ATRNL1: variants seen among roughly 807,000 people sequenced by gnomAD.
The protein encoded by ATRNL1 is attractin-like protein 1.
A neutral mutation model predicts 182.7 loss-of-function variants in ATRNL1; 95 were observed. The observed-to-expected ratio is 0.52, with a 90% CI of 0.44 to 0.62. ATRNL1 has a LOEUF of 0.62. Among genes scored for constraint, ATRNL1 ranks in the 20% least tolerant of loss-of-function variants. The probability of loss-of-function intolerance (pLI) is 0.00; values close to 1 mark genes in which losing one functional copy is unlikely to be tolerated. For missense variants in ATRNL1, 1,471 were observed against 1,679.5 expected (o/e 0.88, Z 2.17); for synonymous variants, 576 against 568.3 (o/e 1.01, Z -0.19).
intron 21 of ATRNL1, among the ~76,000 whole-genome samples, chr10:115,454,510 C>T (rs962519524): frequency 1.5e-4 from 23 of 151,960 alleles, no homozygotes; most frequent in Non-Finnish European, 2.4e-4. Context: ...ACATTTTAAC[C>T]ATATTAATTT....
intron 21 of ATRNL1, among the ~76,000 whole-genome samples, chr10:115,438,631 T>G (rs1846519123): frequency 6.6e-6 from 1 of 151,958 alleles, no homozygotes; most frequent in Admixed American, 6.6e-5. Flanking sequence ...TAGTATATAA[T>G]TTGTTCTTGT....
intron 27 of ATRNL1, among the ~76,000 whole-genome samples, chr10:115,774,752 A>G (rs1555077406): frequency 6.6e-6 from 1 of 152,054 alleles, no homozygotes; most frequent in Non-Finnish European, 1.5e-5. Flanking sequence ...CATAATTCCT[A>G]CCACTGACAG....
intron 20 of ATRNL1, 28 bp from the exon 21 acceptor site, chr10:115,426,222 T>C: frequency 6.2e-7 from 1 of 1,600,264 alleles, no homozygotes; most frequent in South Asian, 1.1e-5. Flanking sequence ...CATTGTTTAA[T>C]AGTAAATGAG....
intron 20 of ATRNL1, among the ~76,000 whole-genome samples, chr10:115,402,648 T>A (rs1844621300): frequency 6.6e-6 from 1 of 152,196 alleles, no homozygotes; most frequent in Non-Finnish European, 1.5e-5. Context: ...CTGTTCACAG[T>A]AAATTGAAGA....
intron 28 of ATRNL1, among the ~76,000 whole-genome samples, chr10:115,930,982 A>C (rs1199736708): frequency 1.3e-5 from 2 of 152,234 alleles, no homozygotes; most frequent in African/African-American, 4.8e-5. Flanking sequence ...AATTAATTAA[A>C]ATATGCAGTT....
At chr10:115,345,320 A>G (rs1855927532) in intron 19 of ATRNL1, among the ~76,000 whole-genome samples, 2 of 152,162 alleles carry the variant, frequency 1.3e-5, no homozygotes, top group Non-Finnish European at 2.9e-5. Flanking sequence ...GCTGGTTTGT[A>G]TGTGCCTTCT....
At chr10:115,890,799 G>A (rs1241207558) in intron 28 of ATRNL1, among the ~76,000 whole-genome samples, 1 of 152,170 alleles carries the variant, frequency 6.6e-6, no homozygotes, top group Non-Finnish European at 1.5e-5. Flanking sequence ...GACACCTTCG[G>A]TTTACAGGTT....
chr10:115,354,130 AT>A (rs1417470104), intron 19 of ATRNL1, among the ~76,000 whole-genome samples: 1 of 152,070 alleles, frequency 6.6e-6, no homozygotes, highest in Non-Finnish European at 1.5e-5. Flanking sequence ...TTCTTAAAAC[AT>A]TATAATTTTT....
At chr10:115,254,097 T>TA (rs1851007138) in intron 10 of ATRNL1, among the ~76,000 whole-genome samples, 2 of 152,198 alleles carry the variant, frequency 1.3e-5, no homozygotes, top group African/African-American at 2.4e-5. Flanking sequence ...AGTAAACATA[T>TA]GTGTGCATGT....
intron 19 of ATRNL1, among the ~76,000 whole-genome samples, chr10:115,341,881 C>A (rs1855768541): frequency 1.3e-5 from 2 of 151,906 alleles, no homozygotes; most frequent in African/African-American, 4.8e-5. Flanking sequence ...TTTTTCCATT[C>A]CTTTATCATA....
At chr10:115,843,430 C>A (rs1950856446) in intron 27 of ATRNL1, among the ~76,000 whole-genome samples, 1 of 151,904 alleles carries the variant, frequency 6.6e-6, no homozygotes, top group African/African-American at 2.4e-5. Flanking sequence ...AGTTAAAGAA[C>A]TAAAGAGGGA....
At chr10:115,924,318 T>C (rs1368353963) in intron 28 of ATRNL1, among the ~76,000 whole-genome samples, 1 of 152,232 alleles carries the variant, frequency 6.6e-6, no homozygotes, top group Non-Finnish European at 1.5e-5. Flanking sequence ...CATGAAGTTT[T>C]TTCCCATGCC....
chr10:115,683,285 C>T (rs965233762), intron 26 of ATRNL1, among the ~76,000 whole-genome samples: 1 of 151,892 alleles, frequency 6.6e-6, no homozygotes, highest in Non-Finnish European at 1.5e-5. Context: ...TTAGATTTGA[C>T]TCTGAGCTTC....
chr10:115,382,207 A>C (rs1427171048), intron 19 of ATRNL1, among the ~76,000 whole-genome samples: 1 of 152,126 alleles, frequency 6.6e-6, no homozygotes. Flanking sequence ...GTATTTTAGA[A>C]TCAGCTTGTC....
At chr10:115,275,767 T>C (rs1033318195) in intron 13 of ATRNL1, among the ~76,000 whole-genome samples, 2 of 152,178 alleles carry the variant, frequency 1.3e-5, no homozygotes, top group Admixed American at 6.5e-5. Flanking sequence ...TTCTGGACCC[T>C]CTCAGTGAGG....
At chr10:115,919,053 C>A (rs1343030684) in intron 28 of ATRNL1, among the ~76,000 whole-genome samples, 2 of 152,182 alleles carry the variant, frequency 1.3e-5, no homozygotes, top group African/African-American at 4.8e-5. Context: ...TAAAACTTCG[C>A]AGACATAACC....
intron 27 of ATRNL1, among the ~76,000 whole-genome samples, chr10:115,823,392 A>G (rs1269036311): frequency 6.6e-6 from 1 of 152,132 alleles, no homozygotes; most frequent in Non-Finnish European, 1.5e-5. Context: ...TTCTCTCATC[A>G]CTCCTATTCA....
chr10:115,278,443 C>A (rs1408975325), intron 13 of ATRNL1, among the ~76,000 whole-genome samples: 2 of 152,162 alleles, frequency 1.3e-5, no homozygotes, highest in Non-Finnish European at 2.9e-5. Flanking sequence ...TATTTTTAGA[C>A]AGAAAAAGGA....
intron 19 of ATRNL1, among the ~76,000 whole-genome samples, chr10:115,371,454 C>T (rs1479011693): frequency 1.3e-5 from 2 of 152,234 alleles, no homozygotes; most frequent in African/African-American, 4.8e-5. Context: ...CATGGGAACA[C>T]ACCTCTTGCA....
Sources: gnomAD v4.1 joint callset for allele counts (sites outside exome capture counted in the v4.1 genomes callset) on GRCh38, gnomAD v4.1.1 for gene constraint, MANE v1.5 for transcripts, NCBI Gene and HGNC (gene_info 2026-07-23, HGNC 2026-07-21) for gene names.